MED14: variants seen among roughly 807,000 people sequenced by gnomAD.
MED14 encodes mediator of RNA polymerase II transcription subunit 14.
Under a neutral mutation model 109.0 loss-of-function variants are expected in MED14, and 8 were observed. The observed-to-expected ratio is 0.07, with a 90% CI of 0.04 to 0.13. MED14 has a LOEUF of 0.13. MED14 is among the 10% of genes least tolerant of loss of function. The probability of loss-of-function intolerance (pLI) is 1.00; values close to 1 mark genes in which losing one functional copy is unlikely to be tolerated. For synonymous variants in MED14, 399 were observed against 408.7 expected (o/e 0.98, Z 0.29); for missense variants, 711 against 1,142.4 (o/e 0.62, Z 5.44).
intron 26 of MED14, 180 bp from the exon 27 acceptor site, chrX:40,659,787 G>T: frequency 2.6e-6 from 1 of 377,713 alleles, no homozygotes; most frequent in Non-Finnish European, 4.5e-6. Flanking sequence ...GACATTATGT[G>T]CCTCTTGATG....
At chrX:40,654,330 A>G in intron 30 of MED14, 34 bp downstream of exon 30, 2 of 1,182,422 alleles carry the variant, frequency 1.7e-6, no homozygotes, top group Non-Finnish European at 2.3e-6. Flanking sequence ...TTTATAACAT[A>G]TATGCAATAA....
intron 5 of MED14, among the ~76,000 whole-genome samples, chrX:40,713,295 T>C (rs1014672018): frequency 1.8e-5 from 2 of 111,506 alleles, no homozygotes; most frequent in African/African-American, 6.5e-5. Context: ...TCTTCTCTCT[T>C]TCCAGCCCCA....
rs1928993683 is a variant in MED14, at chrX:40,654,669, GAA to G, written c.4099-115_4099-114del. 6 of 820,403 alleles carry G rather than the reference GAA, an allele frequency of 7.3e-6. No individual in the cohort carries two copies. In the South Asian group the frequency reaches 1.6e-4, roughly 22 times the overall value. The allele number at this position is 820,403 out of a possible 1,213,427, so 67.6% of individuals were successfully genotyped here. A position where few individuals can be genotyped will look rare whatever the true frequency, so the allele number is the denominator to read the frequency against. ...TTCAGATTAAGATAAGCAAGCAAAA[GAA>G]AATTACACATGACAAGAAAAGTGAC... On this transcript the variant is annotated intron_variant, in intron 29 of 30. Coordinates refer to ENST00000324817, the MANE Select transcript of MED14 (RefSeq NM_004229.4).
intron 1 of MED14, among the ~76,000 whole-genome samples, chrX:40,732,902 A>G (rs918312767): frequency 8.4e-5 from 9 of 107,174 alleles, no homozygotes; most frequent in South Asian, 4.1e-4. Context: ...GAGGTTGGAG[A>G]AAAAAAAAAG....
intron 15 of MED14, among the ~76,000 whole-genome samples, chrX:40,691,554 T>C (rs1377853117): frequency 1.8e-5 from 2 of 108,607 alleles, no homozygotes; most frequent in Non-Finnish European, 3.8e-5. Context: ...CCCAAAGTGC[T>C]GGGATTACAG....
intron 16 of MED14, among the ~76,000 whole-genome samples, chrX:40,688,012 C>T (rs761881357): frequency 3.5e-4 from 39 of 111,585 alleles, no homozygotes; most frequent in Non-Finnish European, 5.8e-4. Context: ...GCCAGGAGTT[C>T]GAGACCAGCC....
At position 40,659,497 on chromosome X, in the gene MED14, C is replaced by T. The variant is rs1377866661; in HGVS notation, c.3795G>A (p.Val1265=). 5.8e-6 allele frequency: 7 copies of T among 1,211,510 alleles called. No homozygotes were observed. In the South Asian group the frequency reaches 8.8e-5, roughly 15 times the overall value. Residue 1265 remains valine, a synonymous_variant, in exon 27 of 31, where the codon GTG becomes GTA. Coordinates refer to ENST00000324817, the MANE Select transcript of MED14 (RefSeq NM_004229.4). The part of the protein sequence containing the change: ...PKTNQTLQLK[V]TPENAGQWKP... ...TCCACTGTCCTGCATTTTCAGGTGTCACTTTTAGCTGAAGCGTTTGGTTGG... is the reference window on the plus strand; with the variant it reads ...TCCACTGTCCTGCATTTTCAGGTGTTACTTTTAGCTGAAGCGTTTGGTTGG...
At position 40,682,614 on chromosome X, in the gene MED14, C is replaced by T. The variant is rs201340945; in HGVS notation, c.2354G>A (p.Arg785His). The change falls in exon 18 of 31, where the codon CGT (arginine) becomes CAT (histidine). Residue 785 changes from arginine to histidine, a missense_variant. Coordinates refer to ENST00000324817, the MANE Select transcript of MED14 (RefSeq NM_004229.4). Reference sequence around the variant, plus strand: ...ATCTCCACACGTACCTGGTAGAGAACGTGCAAATTCCAACACACACTCATA... The same window carrying T: ...ATCTCCACACGTACCTGGTAGAGAATGTGCAAATTCCAACACACACTCATA... ...RLYECVLEFA[R>H]SLPDIPAHLN... The T allele has an allele frequency of 1.5e-4, 175 of 1,168,670 alleles. No homozygotes were observed. Among genetic ancestry groups the T allele is most frequent in the Non-Finnish European group, 1.9e-4 (170 of 873,744 alleles).
At chrX:40,731,401 C>G (rs1371151223) in intron 1 of MED14, among the ~76,000 whole-genome samples, 1 of 111,380 alleles carries the variant, frequency 9.0e-6, no homozygotes, top group Non-Finnish European at 1.9e-5. Context: ...AACACTGGCT[C>G]TACATTAACA....
chrX:40,728,581 G>C (rs1931970010), intron 2 of MED14, among the ~76,000 whole-genome samples: 1 of 109,745 alleles, frequency 9.1e-6, no homozygotes, highest in African/African-American at 3.3e-5. Context: ...CCAAAGATAC[G>C]GTCAAGTACC....
chrX:40,717,316 G>A (rs757025412), intron 3 of MED14, among the ~76,000 whole-genome samples: 8 of 108,821 alleles, frequency 7.4e-5, no homozygotes, highest in Non-Finnish European at 1.3e-4. Context: ...CTTTAGAACA[G>A]TGCCTAGAAA....
At chrX:40,690,759 A>G (rs1930472285) in intron 15 of MED14, among the ~76,000 whole-genome samples, 1 of 111,988 alleles carries the variant, frequency 8.9e-6, no homozygotes, top group South Asian at 3.7e-4. Context: ...TAACACAGCC[A>G]TGCTCATTTG....
rs764532890 is a variant in MED14 at position 40,714,595 on chromosome X, G to A, written c.464C>T (p.Pro155Leu). The A allele has an allele frequency of 5.0e-6, 6 of 1,210,013 alleles. No homozygotes were observed. In the East Asian group the frequency reaches 1.8e-4, roughly 36 times the overall value. ...AGTAGTTAGTACATCAATGGCATAT[G>A]GGATGGCAAAACTAGGCAGGCGTGC... is the stretch of plus-strand genomic sequence containing the variant. ...VHARLPSFAI[P>L]YAIDVLTTGS... Residue 155 changes from proline (P) to leucine (L), a missense_variant, in exon 4 of 31, where the codon CCA (proline) becomes CTA (leucine). Transcript: ENST00000324817.
intron 26 of MED14, among the ~76,000 whole-genome samples, chrX:40,660,821 T>G (rs1813383141): frequency 8.8e-6 from 1 of 113,251 alleles, no homozygotes; most frequent in Admixed American, 9.3e-5. Flanking sequence ...GCTAATTTAT[T>G]CAAAAACGTT....
At chrX:40,669,985 CTG>C (rs1391709780) in intron 23 of MED14, among the ~76,000 whole-genome samples, 2 of 112,176 alleles carry the variant, frequency 1.8e-5, no homozygotes, top group Non-Finnish European at 3.8e-5. Context: ...CAGATGAAGA[CTG>C]TTTATCTAGG....
chrX:40,651,623 T>C lies in MED14; in HGVS notation c.*183A>G, dbSNP rs1219071550. The C allele has an allele frequency of 6.8e-6, 7 of 1,034,098 alleles. No homozygotes were observed. Among genetic ancestry groups the C allele is most frequent in the African/African-American group, 3.9e-5 (2 of 51,034 alleles). 85.2% of individuals were successfully genotyped at this position (1,034,098 alleles called of 1,213,427 possible). Reference sequence around the variant, plus strand: ...CATTTAAACACACTATACAAGTTCATTATACAAAAGATGGATGATCATTTT... The same window carrying C: ...CATTTAAACACACTATACAAGTTCACTATACAAAAGATGGATGATCATTTT... On this transcript the variant is annotated 3_prime_UTR_variant, in exon 31 of 31. Coordinates refer to ENST00000324817, the MANE Select transcript of MED14 (RefSeq NM_004229.4).
chrX:40,735,258 C>A lies in MED14; in HGVS notation c.155G>T (p.Ser52Ile), dbSNP rs769920976. ...AAAASPGYRL[S>I]TLIEFLLHRA... Reference sequence around the variant, plus strand: ...GTGCAGCAGAAATTCAATGAGGGTGCTCAGCCGGTAGCCCGGGCTAGCCGC... The same window carrying A: ...GTGCAGCAGAAATTCAATGAGGGTGATCAGCCGGTAGCCCGGGCTAGCCGC... Residue 52 changes from serine to isoleucine, a missense_variant, in exon 1 of 31, where the codon AGC becomes ATC. Ser to Ile is a moderately radical substitution (Grantham distance 142). Transcript: ENST00000324817. 10 of 1,145,825 alleles carry A rather than the reference C, an allele frequency of 8.7e-6. No homozygotes were observed. Among genetic ancestry groups the A allele is most frequent in the Non-Finnish European group, 1.2e-5 (10 of 864,261 alleles). 94.4% of individuals were successfully genotyped at this position (1,145,825 alleles called of 1,213,427 possible).
Position 40,650,199 on chromosome X carries a change from A to C in MED14, c.*1607T>G. 8 of 754,334 alleles carry C rather than the reference A, an allele frequency of 1.1e-5. No individual in the cohort carries two copies. The highest frequency in any genetic ancestry group is 1.3e-5 in the Non-Finnish European group (8 of 639,227). The allele number at this position is 754,334 out of a possible 1,213,427, so 62.2% of individuals were successfully genotyped here. A position where few individuals can be genotyped will look rare whatever the true frequency, so the allele number is the denominator to read the frequency against. ...ATAAAAAGATTAAGTTAAAGGAAGG[A>C]TAAAAGTTTAGTCAACTGCTCCTGA... On this transcript the variant is annotated 3_prime_UTR_variant, in exon 31 of 31. Coordinates refer to ENST00000324817, the MANE Select transcript of MED14 (RefSeq NM_004229.4).
intron 29 of MED14, 121 bp downstream of exon 29, chrX:40,654,814 G>T: frequency 1.1e-6 from 1 of 929,852 alleles, no homozygotes; most frequent in South Asian, 2.2e-5. Context: ...GACAATTAAG[G>T]AATCCTGGCC....
Sources: allele counts gnomAD v4.1 joint callset (sites outside exome capture counted in the v4.1 genomes callset), GRCh38; gene constraint gnomAD v4.1.1; transcripts MANE v1.5; gene names NCBI Gene and HGNC (gene_info 2026-07-23, HGNC 2026-07-21).